The following CDC14B variants were observed in gnomAD, a reference collection of about 807,000 sequenced individuals.
CDC14B encodes dual specificity protein phosphatase CDC14B.
A neutral mutation model predicts 64.2 loss-of-function variants in CDC14B; 22 were observed. The observed-to-expected ratio is 0.34, with a 90% confidence interval of 0.24 to 0.49. The LOEUF is 0.49. Ranked by LOEUF, CDC14B falls within the 20% of genes least tolerant of loss-of-function variation. The pLI, the probability that CDC14B is intolerant of heterozygous loss-of-function variation, is 0.99. For missense variants in CDC14B, 498 were observed against 629.9 expected (o/e 0.79, Z 2.24); for synonymous variants, 191 against 215.8 (o/e 0.89, Z 1.01).
downstream of CDC14B, among the ~76,000 whole-genome samples, chr9:96,495,407 C>T (rs992875750): frequency 2.1e-5 from 3 of 144,062 alleles, no homozygotes; most frequent in Non-Finnish European, 4.6e-5. Flanking sequence ...CCCCGCCCCC[C>T]GCCCCTGCCC....
intron 1 of CDC14B, among the ~76,000 whole-genome samples, chr9:96,576,953 C>CAATAA (rs1337865488): frequency 6.6e-6 from 1 of 152,046 alleles, no homozygotes; most frequent in Non-Finnish European, 1.5e-5. Context: ...GACTACAATA[C>CAATAA]AATAAAAGAA....
intron 12 of CDC14B, among the ~76,000 whole-genome samples, chr9:96,521,411 C>A (rs1162848630): frequency 6.6e-6 from 1 of 152,140 alleles, no homozygotes; most frequent in Non-Finnish European, 1.5e-5. Flanking sequence ...GTATAGTTGA[C>A]TAAAGTACCA....
intron 9 of CDC14B, 62 bp from the exon 10 acceptor site, chr9:96,523,787 G>A: frequency 6.4e-7 from 1 of 1,561,508 alleles, no homozygotes; most frequent in Non-Finnish European, 8.7e-7. Flanking sequence ...ATTTTGTTGG[G>A]CAGGCAGAAT....
intron 3 of CDC14B, among the ~76,000 whole-genome samples, chr9:96,563,279 A>C (rs1478888942): frequency 6.6e-6 from 1 of 152,210 alleles, no homozygotes; most frequent in Non-Finnish European, 1.5e-5. Flanking sequence ...GGTGATCAAG[A>C]TAATCATCTA....
At chr9:96,576,628 A>G in intron 1 of CDC14B, among the ~76,000 whole-genome samples, 1 of 98,102 alleles carries the variant, frequency 1.0e-5, no homozygotes. Flanking sequence ...GCGAGACTCC[A>G]TCTCAAAAAA....
intron 5 of CDC14B, among the ~76,000 whole-genome samples, chr9:96,545,644 T>A (rs925975578): frequency 5.3e-5 from 8 of 152,102 alleles, no homozygotes; most frequent in African/African-American, 1.9e-4. Context: ...CTACTGATAA[T>A]CTTTTCCAAT....
chr9:96,555,782 G>A (rs914394593), intron 4 of CDC14B, among the ~76,000 whole-genome samples: 7 of 152,164 alleles, frequency 4.6e-5, no homozygotes, highest in Non-Finnish European at 1.0e-4. Flanking sequence ...GGTTTTCAAA[G>A]TCATGGCACA....
intron 1 of CDC14B, among the ~76,000 whole-genome samples, chr9:96,584,876 G>T (rs1246337605): frequency 6.6e-6 from 1 of 151,998 alleles, no homozygotes; most frequent in Non-Finnish European, 1.5e-5. Flanking sequence ...GGCTGGTCTC[G>T]AACTCCTGAC....
chr9:96,514,646 A>C, intron 12 of CDC14B: 1 of 985,466 alleles, frequency 1.0e-6, no homozygotes, highest in Non-Finnish European at 1.2e-6. Context: ...GAACTTTTGC[A>C]TTCTTTCATA....
chr9:96,607,184 T>C (rs1314473076), intron 1 of CDC14B, among the ~76,000 whole-genome samples: 1 of 151,916 alleles, frequency 6.6e-6, no homozygotes, highest in Non-Finnish European at 1.5e-5. Flanking sequence ...ACTCTCACAT[T>C]AAGAAAAAAT....
intron 12 of CDC14B, among the ~76,000 whole-genome samples, chr9:96,516,074 G>A (rs1263746866): frequency 1.3e-5 from 2 of 152,136 alleles, no homozygotes; most frequent in Non-Finnish European, 2.9e-5. Flanking sequence ...ATCAGTCACA[G>A]ATAAATGATT....
intron 13 of CDC14B, chr9:96,493,375 C>CTTCA (rs1319699864): frequency 6.6e-6 from 1 of 152,432 alleles, no homozygotes; most frequent in Non-Finnish European, 1.5e-5. Flanking sequence ...CTCATGCCTG[C>CTTCA]TTCAGACAAC....
chr9:96,549,673 AAAG>A (rs1841518223), intron 5 of CDC14B, among the ~76,000 whole-genome samples: 1 of 152,114 alleles, frequency 6.6e-6, no homozygotes, highest in African/African-American at 2.4e-5. Flanking sequence ...AAAAAAAAAA[AAAG>A]AAAGAAACAC....
chr9:96,616,283 T>G (rs184135350), intron 1 of CDC14B, among the ~76,000 whole-genome samples: 1 of 147,790 alleles, frequency 6.8e-6, no homozygotes, highest in Non-Finnish European at 1.5e-5. Flanking sequence ...CCGAGATAGC[T>G]CCACCGCACT....
chr9:96,567,445 G>A (rs1844162830), intron 1 of CDC14B, among the ~76,000 whole-genome samples: 2 of 152,268 alleles, frequency 1.3e-5, no homozygotes, highest in African/African-American at 4.8e-5. Flanking sequence ...TGCCCCCGCA[G>A]GGCCGGGTCT....
Position 96,523,598 on chromosome 9 carries a change from C to T in CDC14B, c.1074G>A (p.Gln358=). ...AGGCTACTACTTACATCACCAAAAA[C>T]TGCTGCTGAGGCCCAATCACCGAGC... ...RPGSVIGPQQ[Q]FLVMKQTNLW... The change falls in exon 10 of 14, where the codon CAG becomes CAA. Residue 358 remains glutamine, a synonymous_variant. Transcript: ENST00000375241. 6 of 1,614,204 alleles carry T rather than the reference C, an allele frequency of 3.7e-6. No individual in the cohort carries two copies. Among genetic ancestry groups the T allele is most frequent in the Non-Finnish European group, 5.1e-6 (6 of 1,180,028 alleles).
rs1833612546 is a variant in CDC14B at position 96,502,173 on chromosome 9, A to C, written c.*1580T>G. On this transcript the variant is annotated 3_prime_UTR_variant, in exon 14 of 14. Coordinates refer to ENST00000375241, the MANE Select transcript of CDC14B (RefSeq NM_033331.4). ...TTCTGTGATCCAGTCCCCAGTGTTT[A>C]AAAGCTGGCCTGACCCCACCCGACA... 1.3e-5 allele frequency: 2 copies of C among 152,180 alleles called. No homozygotes were observed. The allele number at this position is 152,180 out of a possible 1,614,324, so 9.4% of individuals were successfully genotyped here.
chr9:96,619,510 G>T lies in CDC14B; in HGVS notation c.-132C>A. ...GAGCGGCGCTGCGGGGACGGCGGGC[G>T]CCGGCAGAGCCCGGCGGGAGGCGGT... On this transcript the variant is annotated 5_prime_UTR_variant, in exon 1 of 14. Transcript: ENST00000375241. The T allele has an allele frequency of 3.5e-6, 1 of 287,512 alleles. No homozygotes were observed. The highest frequency in any genetic ancestry group is 5.1e-6 in the Non-Finnish European group (1 of 195,578). 17.8% of individuals were successfully genotyped at this position (287,512 alleles called of 1,614,324 possible).
chr9:96,492,853 A>G (rs1439083231), exon 14 of CDC14B: 1 of 152,274 alleles, frequency 6.6e-6, no homozygotes, highest in East Asian at 1.9e-4. Context: ...GCCTGGGAAG[A>G]GGCAGGCTGG....
Sources: gnomAD v4.1 joint callset for allele counts (sites outside exome capture counted in the v4.1 genomes callset) on GRCh38, gnomAD v4.1.1 for gene constraint, MANE v1.5 for transcripts, NCBI Gene and HGNC (gene_info 2026-07-23, HGNC 2026-07-21) for gene names.